Variants in GALNTL6 observed in about 807,000 individuals in gnomAD.
GALNTL6 encodes polypeptide N-acetylgalactosaminyltransferase-like 6.
A neutral mutation model predicts 73.7 loss-of-function variants in GALNTL6; 46 were observed. The observed-to-expected ratio is 0.62, with a 90% CI of 0.49 to 0.80. GALNTL6 has a LOEUF of 0.80. Among genes scored for constraint, GALNTL6 ranks in the 30% least tolerant of loss-of-function variants. The pLI, the probability that GALNTL6 is intolerant of heterozygous loss-of-function variation, is 0.00. For synonymous variants in GALNTL6, 259 were observed against 263.7 expected, an observed-to-expected ratio of 0.98 and a Z score of 0.17; for missense variants, 604 against 755.0, an observed-to-expected ratio of 0.80 and a Z score of 2.34.
At chr4:172,468,139 C>T (rs1732906941) in intron 5 of GALNTL6, among the ~76,000 whole-genome samples, 1 of 152,126 alleles carries the variant, frequency 6.6e-6, no homozygotes, top group African/African-American at 2.4e-5. Flanking sequence ...CAATCCTCCG[C>T]CCTTGGCCTC....
chr4:172,714,306 AACACACACACAC>A (rs3084330), intron 5 of GALNTL6, among the ~76,000 whole-genome samples: 2 of 149,276 alleles, frequency 1.3e-5, no homozygotes, highest in South Asian at 2.1e-4. Context: ...TTTCACACCA[AACACACACACAC>A]ACACACACAC....
At chr4:171,975,444 G>A (rs1739693034) in intron 2 of GALNTL6, among the ~76,000 whole-genome samples, 1 of 152,150 alleles carries the variant, frequency 6.6e-6, no homozygotes, top group African/African-American at 2.4e-5. Context: ...TTAGGGTAGG[G>A]AAGACATACA....
chr4:172,960,395 G>A (rs1385284490), intron 10 of GALNTL6, among the ~76,000 whole-genome samples: 2 of 152,202 alleles, frequency 1.3e-5, no homozygotes, highest in African/African-American at 4.8e-5. Flanking sequence ...GAGGGGAGGT[G>A]ATAAAAGGAT....
chr4:172,258,053 C>T (rs1362408042), intron 3 of GALNTL6, among the ~76,000 whole-genome samples: 1 of 151,260 alleles, frequency 6.6e-6, no homozygotes, highest in East Asian at 1.9e-4. Flanking sequence ...CTTTAAGGAG[C>T]TTTAAAGTTG....
chr4:171,904,000 C>T (rs1245430489), intron 2 of GALNTL6, among the ~76,000 whole-genome samples: 1 of 152,148 alleles, frequency 6.6e-6, no homozygotes, highest in East Asian at 1.9e-4. Flanking sequence ...CTGTACATCA[C>T]CATCATCAAA....
chr4:172,048,384 A>G (rs890852533), intron 2 of GALNTL6, among the ~76,000 whole-genome samples: 2 of 152,172 alleles, frequency 1.3e-5, no homozygotes, highest in African/African-American at 4.8e-5. Flanking sequence ...TTTGGGTTAA[A>G]TTTTTGATAC....
intron 5 of GALNTL6, among the ~76,000 whole-genome samples, chr4:172,784,826 C>T (rs905614981): frequency 1.3e-5 from 2 of 152,114 alleles, no homozygotes; most frequent in East Asian, 3.8e-4. Context: ...GGGTAGAAAG[C>T]TTTCACAAAC....
chr4:172,589,045 T>C (rs1737536909), intron 5 of GALNTL6, among the ~76,000 whole-genome samples: 1 of 152,236 alleles, frequency 6.6e-6, no homozygotes, highest in South Asian at 2.1e-4. Context: ...ATTTGGCTAT[T>C]GTATCTAATT....
At chr4:172,876,567 AC>A (rs1027619864) in intron 7 of GALNTL6, among the ~76,000 whole-genome samples, 4 of 151,658 alleles carry the variant, frequency 2.6e-5, no homozygotes. Context: ...TTTCAAAATG[AC>A]CCCCAGCCCA....
At chr4:172,496,918 G>A (rs890005672) in intron 5 of GALNTL6, among the ~76,000 whole-genome samples, 1 of 152,116 alleles carries the variant, frequency 6.6e-6, no homozygotes, top group Non-Finnish European at 1.5e-5. Flanking sequence ...TTATCATTAT[G>A]TGATTATTTA....
At chr4:173,028,944 T>G (rs1005350534) in intron 12 of GALNTL6, among the ~76,000 whole-genome samples, 1 of 152,016 alleles carries the variant, frequency 6.6e-6, no homozygotes, top group African/African-American at 2.4e-5. Flanking sequence ...AAAAAGTGAG[T>G]GGGTGGAATT....
intron 2 of GALNTL6, among the ~76,000 whole-genome samples, chr4:172,092,947 C>G (rs950727520): frequency 6.7e-6 from 1 of 148,352 alleles, no homozygotes; most frequent in Non-Finnish European, 1.5e-5. Flanking sequence ...GATCTCAGCT[C>G]ACTGCAATCT....
rs558821135 is a variant in GALNTL6 at position 171,992,121 on chromosome 4, C to A, written c.138+177403C>A. ...TCATCGCAATTCATGACTCAGATAT[C>A]TTTTCAGTGGAAAGCAGTGAATTGG... On this transcript the variant is annotated intron_variant, in intron 2 of 12. Coordinates refer to ENST00000506823, the MANE Select transcript of GALNTL6 (RefSeq NM_001034845.3). Among the ~76,000 whole-genome samples the A allele has an allele frequency of 1.8e-3, 267 of 152,086 alleles. 1 individual carries two copies. Among genetic ancestry groups the A allele is most frequent in the African/African-American group, 6.3e-3 (263 of 41,548 alleles).
At chr4:171,886,802 A>T (rs1736620579) in intron 2 of GALNTL6, among the ~76,000 whole-genome samples, 1 of 152,232 alleles carries the variant, frequency 6.6e-6, no homozygotes, top group Admixed American at 6.5e-5. Context: ...GTTTCCTGAA[A>T]CAGGTAAATA....
intron 5 of GALNTL6, among the ~76,000 whole-genome samples, chr4:172,737,139 A>T (rs1016273479): frequency 6.6e-6 from 1 of 152,158 alleles, no homozygotes; most frequent in African/African-American, 2.4e-5. Context: ...CTGTACCTGG[A>T]TATTTATATC....
chr4:172,647,427 A>G (rs1740289145), intron 5 of GALNTL6, among the ~76,000 whole-genome samples: 1 of 152,072 alleles, frequency 6.6e-6, no homozygotes, highest in South Asian at 2.1e-4. Flanking sequence ...GTATTGCTGA[A>G]AGGTTGGGAT....
chr4:172,557,223 C>T lies in GALNTL6; in HGVS notation c.553+208534C>T, dbSNP rs546068994. ...TGAGACATCAGGCAAGTCATTTAAC[C>T]ATCACGTACCTCTGTTTCTTCATCT... is the stretch of plus-strand genomic sequence containing the variant. On this transcript the variant is annotated intron_variant, in intron 5 of 12. Transcript: ENST00000506823. Among the ~76,000 whole-genome samples the T allele has an allele frequency of 3.9e-5, 6 of 152,194 alleles. No homozygotes were observed. In the East Asian group the frequency reaches 9.6e-4, roughly 24 times the overall value.
chr4:172,092,390 T>C (rs1232085522), intron 2 of GALNTL6, among the ~76,000 whole-genome samples: 3 of 152,150 alleles, frequency 2.0e-5, no homozygotes, highest in Non-Finnish European at 4.4e-5. Context: ...TCATTTCTTA[T>C]TTGACACTTC....
chr4:172,443,531 G>A (rs13116785), intron 5 of GALNTL6, among the ~76,000 whole-genome samples: 21,959 of 151,910 alleles, frequency 0.14, 1,836 homozygotes, highest in Non-Finnish European at 0.2. Flanking sequence ...AAAAAATCCT[G>A]TTCTTGGCTT....
Sources: gnomAD v4.1 joint callset for allele counts (sites outside exome capture counted in the v4.1 genomes callset) on GRCh38, gnomAD v4.1.1 for gene constraint, MANE v1.5 for transcripts, NCBI Gene and HGNC (gene_info 2026-07-23, HGNC 2026-07-21) for gene names.